MIPOL1: variants seen among roughly 807,000 people sequenced by gnomAD.
MIPOL1 encodes mirror-image polydactyly gene 1 protein.
In MIPOL1, 57 loss-of-function variants were observed where a neutral mutation model predicts 60.9. That is an observed-to-expected ratio of 0.94 (90% CI 0.76 to 1.17). MIPOL1 has a LOEUF of 1.17. Among genes scored for constraint, MIPOL1 ranks in the 50% most tolerant of loss-of-function variants. MIPOL1 has a pLI of 0.00. For missense variants in MIPOL1, 551 were observed against 511.6 expected, an observed-to-expected ratio of 1.08 and a Z score of -0.74; for synonymous variants, 179 against 168.8, an observed-to-expected ratio of 1.06 and a Z score of -0.47.
chr14:37,551,333 C>T (rs1049558891), downstream of MIPOL1: 1 of 151,922 alleles, frequency 6.6e-6, no homozygotes, highest in African/African-American at 2.4e-5. Context: ...AGACAGTGTA[C>T]TAGATATGCA....
chr14:37,268,089 G>A (rs1260518460), intron 4 of MIPOL1, among the ~76,000 whole-genome samples: 2 of 152,162 alleles, frequency 1.3e-5, no homozygotes, highest in Non-Finnish European at 2.9e-5. Flanking sequence ...AGAAGTTTCA[G>A]TGACTAATAT....
chr14:37,476,326 G>T (rs2094773539), intron 11 of MIPOL1, among the ~76,000 whole-genome samples: 1 of 151,594 alleles, frequency 6.6e-6, no homozygotes, highest in Non-Finnish European at 1.5e-5. Flanking sequence ...GGTCTGGAAT[G>T]TTTTTTTTCA....
chr14:37,360,093 A>G (rs1401462441), intron 9 of MIPOL1, among the ~76,000 whole-genome samples: 2 of 152,112 alleles, frequency 1.3e-5, no homozygotes, highest in African/African-American at 4.8e-5. Flanking sequence ...GGTTTTTGTC[A>G]TTGGTTCTGT....
At chr14:37,475,029 A>T (rs1645488615) in intron 11 of MIPOL1, among the ~76,000 whole-genome samples, 1 of 151,750 alleles carries the variant, frequency 6.6e-6, no homozygotes, top group Admixed American at 6.6e-5. Flanking sequence ...CAGTGGCGTG[A>T]TCTCGGCTCA....
intron 7 of MIPOL1, among the ~76,000 whole-genome samples, chr14:37,304,845 TATC>T (rs1206389984): frequency 1.3e-5 from 2 of 151,852 alleles, no homozygotes; most frequent in African/African-American, 2.4e-5. Context: ...TCTTACTAAT[TATC>T]ATGACTATGT....
At chr14:37,422,320 G>A (rs764730942) in intron 10 of MIPOL1, among the ~76,000 whole-genome samples, 7 of 151,980 alleles carry the variant, frequency 4.6e-5, no homozygotes, top group Non-Finnish European at 8.8e-5. Context: ...CACAGAGAAG[G>A]AATTGAAAAG....
At chr14:37,298,801 G>A (rs1322770300) in intron 7 of MIPOL1, among the ~76,000 whole-genome samples, 1 of 151,408 alleles carries the variant, frequency 6.6e-6, no homozygotes, top group African/African-American at 2.4e-5. Context: ...GGAAACAACA[G>A]GTGCTGGAGA....
At chr14:37,388,969 GA>G (rs900682000) in intron 10 of MIPOL1, among the ~76,000 whole-genome samples, 1 of 151,536 alleles carries the variant, frequency 6.6e-6, no homozygotes, top group Non-Finnish European at 1.5e-5. Flanking sequence ...AGGCTAGAAG[GA>G]AAAAAAAGTT....
intron 12 of MIPOL1, among the ~76,000 whole-genome samples, chr14:37,531,009 G>A (rs1013863517): frequency 1.3e-5 from 2 of 151,982 alleles, no homozygotes; most frequent in African/African-American, 4.8e-5. Flanking sequence ...GTAGAGACGG[G>A]GTTTCACCAT....
chr14:37,299,948 G>A (rs1215505988), intron 7 of MIPOL1, among the ~76,000 whole-genome samples: 3 of 151,978 alleles, frequency 2.0e-5, no homozygotes, highest in South Asian at 2.1e-4. Flanking sequence ...ATTGATCAAG[G>A]TATTTTACAC....
intron 11 of MIPOL1, among the ~76,000 whole-genome samples, chr14:37,463,401 A>C (rs2094562652): frequency 6.6e-6 from 1 of 151,666 alleles, no homozygotes; most frequent in African/African-American, 2.4e-5. Flanking sequence ...GTACAGATAG[A>C]AAAATAGACA....
chr14:37,438,390 C>T (rs957972575), intron 11 of MIPOL1, among the ~76,000 whole-genome samples: 1 of 152,098 alleles, frequency 6.6e-6, no homozygotes, highest in African/African-American at 2.4e-5. Context: ...CCTTCAACAT[C>T]CTTGTAAGGC....
intron 10 of MIPOL1, among the ~76,000 whole-genome samples, chr14:37,420,116 G>A (rs1195983821): frequency 6.6e-6 from 1 of 151,388 alleles, no homozygotes; most frequent in Admixed American, 6.6e-5. Flanking sequence ...AAAGCAAGGT[G>A]TGTATAACAG....
rs1190988706 is a variant in MIPOL1 at position 37,238,281 on chromosome 14, T to A, written c.-198-8822T>A. On this transcript the variant is annotated intron_variant, in intron 1 of 12. Coordinates refer to ENST00000684589, the MANE Select transcript of MIPOL1 (RefSeq NM_001388067.1). ...AGAATCACAATGCCTATGTATGTAT[T>A]ACCCAAGTTTGACAGTTATCCTTCA... Among the ~76,000 whole-genome samples the A allele has an allele frequency of 2.0e-5, 3 of 152,348 alleles. No individual in the cohort carries two copies. The East Asian group carries it at 5.8e-4, about 29-fold the overall frequency.
chr14:37,378,048 G>A (rs1241703218), intron 10 of MIPOL1, among the ~76,000 whole-genome samples: 1 of 152,050 alleles, frequency 6.6e-6, no homozygotes, highest in Non-Finnish European at 1.5e-5. Flanking sequence ...TATACTAAAT[G>A]TTGACAGGAT....
At chr14:37,510,201 TATACAC>T (rs1448805976) in intron 12 of MIPOL1, among the ~76,000 whole-genome samples, 1 of 152,070 alleles carries the variant, frequency 6.6e-6, no homozygotes, top group Non-Finnish European at 1.5e-5. Context: ...GGTTTATATA[TATACAC>T]ATACATATAC....
At chr14:37,324,850 G>A (rs961172650) in intron 9 of MIPOL1, among the ~76,000 whole-genome samples, 3 of 151,910 alleles carry the variant, frequency 2.0e-5, no homozygotes, top group Admixed American at 6.6e-5. Context: ...CAAATTAATC[G>A]ACCATGTAAG....
chr14:37,433,587 G>A (rs972867621), intron 11 of MIPOL1, among the ~76,000 whole-genome samples: 11 of 151,908 alleles, frequency 7.2e-5, no homozygotes, highest in Non-Finnish European at 1.3e-4. Context: ...ACCAAGTCTC[G>A]ATCTGTTGCC....
At chr14:37,460,361 AC>A (rs1169747240) in intron 11 of MIPOL1, among the ~76,000 whole-genome samples, 1 of 152,140 alleles carries the variant, frequency 6.6e-6, no homozygotes, top group East Asian at 1.9e-4. Flanking sequence ...GAAGGAGCAT[AC>A]CTCAAAATAA....
Sources: allele counts gnomAD v4.1 joint callset (sites outside exome capture counted in the v4.1 genomes callset), GRCh38; gene constraint gnomAD v4.1.1; transcripts MANE v1.5; gene names NCBI Gene and HGNC (gene_info 2026-07-23, HGNC 2026-07-21).